PPM1D: variants seen among roughly 807,000 people sequenced by gnomAD.
The protein encoded by PPM1D is protein phosphatase, Mg2+/Mn2+ dependent 1D, also known as protein phosphatase 1D.
A neutral mutation model predicts 58.3 loss-of-function variants in PPM1D; 52 were observed. The ratio of observed to expected loss-of-function variants is 0.89; its 90% confidence interval spans 0.71 to 1.12. PPM1D has a LOEUF of 1.12. Ranked by LOEUF, PPM1D falls within the 50% of genes most tolerant of loss-of-function variation. The pLI is 0.00. For synonymous variants in PPM1D, 278 were observed against 285.1 expected, an observed-to-expected ratio of 0.98 and a Z score of 0.25; for missense variants, 564 against 777.2, an observed-to-expected ratio of 0.73 and a Z score of 3.26.
Position 60,600,778 on chromosome 17 carries a change from G to A in PPM1D, c.364G>A (p.Gly122Ser), listed in dbSNP as rs1320987114. 1 of 1,612,716 alleles carries A rather than the reference G, an allele frequency of 6.2e-7. No individual in the cohort carries two copies. The highest frequency in any genetic ancestry group is 8.5e-7 in the Non-Finnish European group (1 of 1,179,986). The change falls in exon 1 of 6, where the codon GGT becomes AGT. Residue 122 changes from glycine (G) to serine (S), a missense_variant. By Grantham distance (56) the Gly-to-Ser change is moderately conservative. Around this residue, in one of 7 missense-constraint regions of PPM1D, gnomAD observed 23 missense variants for 28.9 expected, o/e 0.80. Coordinates refer to ENST00000305921, the MANE Select transcript of PPM1D (RefSeq NM_003620.4). ...AAQFAREHLW[G>S]FIKKQKGFTS... is the part of the protein sequence containing the mutation. ...ACAGTTTGCCCGGGAGCACTTGTGG[G>A]GTTTCATCAAGAAGCAGAAGGGTTT...
intron 5 of PPM1D, chr17:60,657,127 A>G (rs1485556531): frequency 8.3e-7 from 1 of 1,201,452 alleles, no homozygotes; most frequent in Non-Finnish European, 1.1e-6. Flanking sequence ...TTTGTGAAGC[A>G]CTTAAATATA....
At chr17:60,649,676 C>T (rs556175707) in intron 4 of PPM1D, among the ~76,000 whole-genome samples, 118 of 151,214 alleles carry the variant, frequency 7.8e-4, no homozygotes, top group Non-Finnish European at 1.4e-3. Context: ...GCAATAAGAA[C>T]GAAACTCTGT....
At chr17:60,618,834 G>A (rs938359834) in intron 1 of PPM1D, among the ~76,000 whole-genome samples, 6 of 152,162 alleles carry the variant, frequency 3.9e-5, no homozygotes, top group Non-Finnish European at 7.3e-5. Context: ...TATACATTGT[G>A]AAATGATTAC....
At chr17:60,644,536 T>C (rs2031198805) in intron 3 of PPM1D, among the ~76,000 whole-genome samples, 1 of 152,222 alleles carries the variant, frequency 6.6e-6, no homozygotes, top group African/African-American at 2.4e-5. Flanking sequence ...GCTATAGCAA[T>C]ATGAAATTGC....
chr17:60,603,420 G>A (rs1269885383), intron 1 of PPM1D, among the ~76,000 whole-genome samples: 1 of 152,098 alleles, frequency 6.6e-6, no homozygotes, highest in Non-Finnish European at 1.5e-5. Context: ...AATAGTGGTG[G>A]GAGGAGTGGG....
chr17:60,614,872 G>A (rs2030549626), intron 1 of PPM1D, among the ~76,000 whole-genome samples: 1 of 152,108 alleles, frequency 6.6e-6, no homozygotes, highest in Non-Finnish European at 1.5e-5. Flanking sequence ...AACATCAGAA[G>A]GAACAAATTC....
intron 1 of PPM1D, among the ~76,000 whole-genome samples, chr17:60,621,389 G>T (rs115011583): frequency 0.044 from 6,590 of 151,022 alleles, 396 homozygotes; most frequent in African/African-American, 0.14. Context: ...AGTTTTGTTT[G>T]TTTGTTTGTT....
In PPM1D at chr17:60,664,656, C is replaced by T. The variant is rs1218749244; in HGVS notation, c.*1104C>T. The T allele has an allele frequency of 6.6e-6, 1 of 152,208 alleles. No homozygotes were observed. The highest frequency in any genetic ancestry group is 6.5e-5 in the Admixed American group (1 of 15,280). 9.4% of individuals were successfully genotyped at this position (152,208 alleles called of 1,614,324 possible). ...ATTCAAAATGCTCTAATGAGCATTT[C>T]CTTTGAGCATCATGCCTGCTCTGAA... is the stretch of plus-strand genomic sequence containing the variant. On this transcript the variant is annotated 3_prime_UTR_variant, in exon 6 of 6. Transcript: ENST00000305921.
At chr17:60,647,316 C>T (rs1026935663) in intron 3 of PPM1D, among the ~76,000 whole-genome samples, 1 of 152,048 alleles carries the variant, frequency 6.6e-6, no homozygotes, top group African/African-American at 2.4e-5. Context: ...AAAGTTGTTC[C>T]TAAGTTCCTT....
chr17:60,630,753 A>G (rs777763071), intron 2 of PPM1D, among the ~76,000 whole-genome samples: 1 of 152,216 alleles, frequency 6.6e-6, no homozygotes, highest in African/African-American at 2.4e-5. Context: ...AAGTGTCGAG[A>G]GAGCTGCTCG....
At chr17:60,634,665 G>A (rs1260173568) in intron 3 of PPM1D, among the ~76,000 whole-genome samples, 2 of 151,982 alleles carry the variant, frequency 1.3e-5, no homozygotes, top group Admixed American at 1.3e-4. Flanking sequence ...TATATTTCTG[G>A]TCTACCTGGC....
chr17:60,640,358 CAG>C (rs1164149567), intron 3 of PPM1D, among the ~76,000 whole-genome samples: 1 of 152,158 alleles, frequency 6.6e-6, no homozygotes, highest in East Asian at 1.9e-4. Context: ...TGAACTATAA[CAG>C]AGTTGGAATG....
intron 1 of PPM1D, among the ~76,000 whole-genome samples, chr17:60,617,875 G>C (rs2030616738): frequency 1.3e-5 from 2 of 152,174 alleles, no homozygotes; most frequent in South Asian, 4.1e-4. Context: ...AACATTGTCT[G>C]CACTGCAGAT....
At chr17:60,619,750 G>A (rs1213184310) in intron 1 of PPM1D, among the ~76,000 whole-genome samples, 1 of 152,014 alleles carries the variant, frequency 6.6e-6, no homozygotes, top group Non-Finnish European at 1.5e-5. Context: ...ACAGATGTGT[G>A]CTACCATGCC....
intron 3 of PPM1D, among the ~76,000 whole-genome samples, chr17:60,646,237 T>C (rs1402173826): frequency 6.6e-6 from 1 of 152,224 alleles, no homozygotes; most frequent in African/African-American, 2.4e-5. Context: ...GTTTTGCTGC[T>C]CAGAGGGCTG....
Position 60,600,475 on chromosome 17 carries a change from A to T in PPM1D, c.61A>T (p.Met21Leu). ...CTCCGACCAGGGCGGGAGGAAGTAC[A>T]TGGAGGACGTTACTCAAATCGTTGT... ...VFSDQGGRKYMEDVTQIVVEP... is the reference protein window; with the variant it reads ...VFSDQGGRKYLEDVTQIVVEP... The change falls in exon 1 of 6, where the codon ATG becomes TTG. Residue 21 changes from methionine to leucine, a missense_variant. Met to Leu is a conservative substitution (Grantham distance 15). Coordinates refer to ENST00000305921, the MANE Select transcript of PPM1D (RefSeq NM_003620.4). 1 of 1,574,736 alleles carries T rather than the reference A, an allele frequency of 6.4e-7. No homozygotes were observed. The highest frequency in any genetic ancestry group is 8.6e-7 in the Non-Finnish European group (1 of 1,160,322).
intron 2 of PPM1D, among the ~76,000 whole-genome samples, chr17:60,624,805 A>G (rs2143657408): frequency 6.6e-6 from 1 of 151,716 alleles, no homozygotes; most frequent in South Asian, 2.1e-4. Context: ...AAAAAGAATT[A>G]GCATCCTTAA....
At chr17:60,607,528 C>T (rs916688480) in intron 1 of PPM1D, among the ~76,000 whole-genome samples, 5 of 152,238 alleles carry the variant, frequency 3.3e-5, no homozygotes, top group East Asian at 1.9e-4. Context: ...CTTGAACTCC[C>T]GACCTCAAGT....
At chr17:60,631,329 T>G (rs962051356) in intron 2 of PPM1D, among the ~76,000 whole-genome samples, 6 of 146,838 alleles carry the variant, frequency 4.1e-5, no homozygotes, top group African/African-American at 1.5e-4. Context: ...CAAAACCAAA[T>G]GAAAACTAGT....
Sources: allele counts gnomAD v4.1 joint callset (sites outside exome capture counted in the v4.1 genomes callset), GRCh38; gene constraint gnomAD v4.1.1; regional missense constraint gnomAD v4.1.1; transcripts MANE v1.5; gene names NCBI Gene and HGNC (gene_info 2026-07-23, HGNC 2026-07-21).